Variants in HPSE2 observed in about 807,000 individuals in gnomAD.
HPSE2 encodes the protein inactive heparanase-2.
In HPSE2, 38 loss-of-function variants were observed where a neutral mutation model predicts 60.5. The observed-to-expected ratio is 0.63, with a 90% confidence interval of 0.48 to 0.82. HPSE2 has a LOEUF of 0.82. Ranked by LOEUF, HPSE2 falls within the 40% of genes least tolerant of loss-of-function variation. The pLI, the probability that HPSE2 is intolerant of heterozygous loss-of-function variation, is 0.00. For synonymous variants in HPSE2, 295 were observed against 293.2 expected, an observed-to-expected ratio of 1.01 and a Z score of -0.06; for missense variants, 713 against 740.4, an observed-to-expected ratio of 0.96 and a Z score of 0.43.
intron 3 of HPSE2, among the ~76,000 whole-genome samples, chr10:98,746,197 G>GAAATACATTTAATTATTATTTTTAGTTTC (rs1949624708): frequency 2.7e-5 from 4 of 146,542 alleles, no homozygotes; most frequent in African/African-American, 1.0e-4. Context: ...TCACATTCAG[G>GAAATACATTTAATTATTATTTTTAGTTTC]AAATACATTT....
the HPSE2 span, among the ~76,000 whole-genome samples, chr10:99,261,289 T>C: frequency 6.6e-6 from 1 of 151,988 alleles, no homozygotes; most frequent in South Asian, 2.1e-4. Context: ...CAGGTCCCAA[T>C]TGTTCCTCAG....
chr10:99,307,018 C>T, the HPSE2 span, among the ~76,000 whole-genome samples: 1 of 152,172 alleles, frequency 6.6e-6, no homozygotes, highest in African/African-American at 2.4e-5. Context: ...CCTTTCTTTA[C>T]TTGTTTTAGC....
intron 3 of HPSE2, among the ~76,000 whole-genome samples, chr10:98,919,969 A>C (rs1954235468): frequency 6.6e-6 from 1 of 152,192 alleles, no homozygotes; most frequent in South Asian, 2.1e-4. Flanking sequence ...GGTGGCAGAC[A>C]TGGAGGTGCA....
intron 3 of HPSE2, among the ~76,000 whole-genome samples, chr10:99,060,134 A>C (rs756672247): frequency 5.9e-5 from 9 of 152,118 alleles, no homozygotes; most frequent in Non-Finnish European, 1.0e-4. Context: ...ATATAGTAAA[A>C]TATGGGAAAT....
intron 2 of HPSE2, among the ~76,000 whole-genome samples, chr10:99,151,037 T>A (rs951320422): frequency 2.0e-5 from 3 of 151,698 alleles, no homozygotes; most frequent in Non-Finnish European, 2.9e-5. Context: ...TTTAAAACTA[T>A]AAAGAAATAT....
At chr10:98,718,541 T>C (rs1217897490) in intron 5 of HPSE2, among the ~76,000 whole-genome samples, 2 of 152,184 alleles carry the variant, frequency 1.3e-5, no homozygotes, top group African/African-American at 4.8e-5. Flanking sequence ...AATCAACCTG[T>C]GTCCATTAAA....
At chr10:98,716,176 T>C (rs1222039822) in intron 5 of HPSE2, among the ~76,000 whole-genome samples, 3 of 151,986 alleles carry the variant, frequency 2.0e-5, no homozygotes, top group African/African-American at 7.2e-5. Context: ...TATCATGAGA[T>C]TGCAACAATC....
At chr10:98,645,390 A>G (rs753849533) in intron 6 of HPSE2, among the ~76,000 whole-genome samples, 32 of 152,212 alleles carry the variant, frequency 2.1e-4, no homozygotes, top group Non-Finnish European at 3.2e-4. Context: ...AAGGGAAATT[A>G]ACAGAGATGT....
At chr10:98,663,863 C>G (rs2134093153) in intron 6 of HPSE2, among the ~76,000 whole-genome samples, 1 of 152,284 alleles carries the variant, frequency 6.6e-6, no homozygotes, top group East Asian at 1.9e-4. Context: ...TGCCAGGGAA[C>G]AGTCAGACTG....
intron 5 of HPSE2, among the ~76,000 whole-genome samples, chr10:98,713,334 C>T (rs1466662483): frequency 6.6e-6 from 1 of 151,948 alleles, no homozygotes; most frequent in African/African-American, 2.4e-5. Context: ...GTAAATGATT[C>T]TTCTGGCAAC....
At chr10:98,577,339 C>A (rs537108867) in intron 9 of HPSE2, among the ~76,000 whole-genome samples, 1 of 152,088 alleles carries the variant, frequency 6.6e-6, no homozygotes, top group Non-Finnish European at 1.5e-5. Flanking sequence ...CATCAGATTG[C>A]ACAAATTTTC....
intron 3 of HPSE2, chr10:99,013,672 A>AT (rs1448723059): frequency 4.8e-6 from 1 of 208,698 alleles, no homozygotes; most frequent in African/African-American, 2.4e-5. Flanking sequence ...GGCCTTCACC[A>AT]TGTTGGCTGG....
At chr10:99,305,977 G>GTGCACACACACACACACACA in the HPSE2 span, among the ~76,000 whole-genome samples, 1 of 53,714 alleles carries the variant, frequency 1.9e-5, no homozygotes, top group African/African-American at 5.4e-5. Context: ...GCGCGCGCGC[G>GTGCACACACACACACACACA]CGCACACACA....
rs1007502656 is a variant in HPSE2, at chr10:98,938,065, C to T, written c.611-194009G>A. Among the ~76,000 whole-genome samples the T allele has an allele frequency of 8.4e-5, 12 of 142,018 alleles. 1 individual carries two copies. The highest frequency in any genetic ancestry group is 3.1e-4 in the African/African-American group (11 of 34,922). 93.2% of individuals were successfully genotyped at this position (142,018 alleles called of 152,430 possible). A position where few individuals can be genotyped will look rare whatever the true frequency, so the allele number is the denominator to read the frequency against. Reference sequence around the variant, plus strand: ...AAGGAAAACTAACAAACAGAAAGGACATCCACACCAAAAACCCATCTGTAC... The same window carrying T: ...AAGGAAAACTAACAAACAGAAAGGATATCCACACCAAAAACCCATCTGTAC... On this transcript the variant is annotated intron_variant, in intron 3 of 11. Coordinates refer to ENST00000370552, the MANE Select transcript of HPSE2 (RefSeq NM_021828.5).
At chr10:98,742,487 C>CAGT (rs1421399899) in intron 4 of HPSE2, among the ~76,000 whole-genome samples, 8 of 151,926 alleles carry the variant, frequency 5.3e-5, no homozygotes, top group Non-Finnish European at 8.8e-5. Context: ...CAATTTGCAT[C>CAGT]AGTAATTTTA....
chr10:98,739,254 T>C (rs749877836), intron 4 of HPSE2, among the ~76,000 whole-genome samples: 12 of 151,990 alleles, frequency 7.9e-5, no homozygotes, highest in Non-Finnish European at 1.3e-4. Flanking sequence ...TTCTCACTTA[T>C]AAGTGGGAGG....
the HPSE2 span, among the ~76,000 whole-genome samples, chr10:99,313,598 T>TTTTA: frequency 8.0e-6 from 1 of 124,690 alleles, no homozygotes; most frequent in Non-Finnish European, 1.7e-5. Context: ...TCCAATTTTT[T>TTTTA]TTTTTTTTTT....
chr10:98,696,535 T>C (rs768256061), intron 5 of HPSE2, among the ~76,000 whole-genome samples: 1 of 152,154 alleles, frequency 6.6e-6, no homozygotes, highest in East Asian at 1.9e-4. Flanking sequence ...GCTTTTTCCA[T>C]GGAACTGTGT....
intron 3 of HPSE2, among the ~76,000 whole-genome samples, chr10:98,778,283 A>AGAGAGAGAGT (rs1419609390): frequency 6.6e-6 from 1 of 151,094 alleles, no homozygotes; most frequent in African/African-American, 2.4e-5. Context: ...AGAGAGAGAG[A>AGAGAGAGAGT]GAGAGAGAGA....
Sources: allele counts gnomAD v4.1 joint callset (sites outside exome capture counted in the v4.1 genomes callset), GRCh38; gene constraint gnomAD v4.1.1; transcripts MANE v1.5; gene names NCBI Gene and HGNC (gene_info 2026-07-23, HGNC 2026-07-21).